The following KHDRBS3 variants were observed in gnomAD, a reference collection of about 807,000 sequenced individuals.
KHDRBS3 encodes the protein KH RNA binding domain containing, signal transduction associated 3, also known as KH domain-containing, RNA-binding, signal transduction-associated protein 3.
KHDRBS3 carries 23 observed loss-of-function variants against 45.6 expected under a neutral mutation model. That is an observed-to-expected ratio of 0.50 (90% confidence interval 0.36 to 0.72). The LOEUF (loss-of-function observed/expected upper bound fraction) is 0.72, where lower values mean the gene tolerates loss of function less well. Ranked by LOEUF, KHDRBS3 falls within the 30% of genes least tolerant of loss-of-function variation. KHDRBS3 has a pLI of 0.00. For synonymous variants in KHDRBS3, 162 were observed against 156.5 expected (o/e 1.04, Z -0.26); for missense variants, 352 against 424.8 (o/e 0.83, Z 1.51).
At chr8:135,492,301 TTA>T (rs1159081910) in intron 1 of KHDRBS3, among the ~76,000 whole-genome samples, 3 of 152,148 alleles carry the variant, frequency 2.0e-5, no homozygotes, top group African/African-American at 4.8e-5. Context: ...TTTGTGTATC[TTA>T]AAATGCATTT....
At chr8:135,606,751 C>T (rs1379465804) in intron 6 of KHDRBS3, among the ~76,000 whole-genome samples, 4 of 152,142 alleles carry the variant, frequency 2.6e-5, no homozygotes, top group Non-Finnish European at 1.5e-5. Flanking sequence ...GTGATTCTGA[C>T]CATTTTTACC....
chr8:135,481,796 T>C (rs1822591826), intron 1 of KHDRBS3, among the ~76,000 whole-genome samples: 1 of 152,200 alleles, frequency 6.6e-6, no homozygotes, highest in Admixed American at 6.5e-5. Flanking sequence ...TTCTAAATCA[T>C]ATTTTGTAGT....
At chr8:135,461,492 C>T (rs753422544) in intron 1 of KHDRBS3, among the ~76,000 whole-genome samples, 14 of 152,166 alleles carry the variant, frequency 9.2e-5, no homozygotes, top group Non-Finnish European at 1.5e-4. Context: ...GATCCCACTC[C>T]GGACCCCGCC....
downstream of KHDRBS3, among the ~76,000 whole-genome samples, chr8:135,652,207 T>C (rs1157399458): frequency 6.6e-6 from 1 of 152,200 alleles, no homozygotes; most frequent in Non-Finnish European, 1.5e-5. Context: ...CTATTTCTGA[T>C]TGGGAAAGGC....
intron 1 of KHDRBS3, among the ~76,000 whole-genome samples, chr8:135,492,516 C>CATATATATATATATATACATATAT (rs1554616504): frequency 6.9e-6 from 1 of 145,856 alleles, no homozygotes; most frequent in African/African-American, 2.5e-5. Context: ...TATATATATA[C>CATATATATATATATATACATATAT]ATATATATAT....
intron 4 of KHDRBS3, among the ~76,000 whole-genome samples, chr8:135,552,792 G>C (rs1195069074): frequency 6.6e-6 from 1 of 152,010 alleles, no homozygotes; most frequent in East Asian, 1.9e-4. Flanking sequence ...TGGCCTGCTA[G>C]GGATGTTGTC....
chr8:135,547,504 T>G (rs1563759312), intron 3 of KHDRBS3, among the ~76,000 whole-genome samples: 1 of 152,218 alleles, frequency 6.6e-6, no homozygotes, highest in Admixed American at 6.5e-5. Context: ...GTGACTGGCA[T>G]AGCTGAGATG....
chr8:135,524,023 A>G (rs574677134), intron 2 of KHDRBS3, among the ~76,000 whole-genome samples: 2 of 149,358 alleles, frequency 1.3e-5, no homozygotes, highest in South Asian at 2.1e-4. Context: ...GACTTATACT[A>G]TTTTTTTTTT....
At position 135,572,253 on chromosome 8, in the gene KHDRBS3, AT is replaced by A. The variant is rs565222657; in HGVS notation, c.612-9624del. On this transcript the variant is annotated intron_variant, in intron 5 of 8. Coordinates refer to ENST00000355849, the MANE Select transcript of KHDRBS3 (RefSeq NM_006558.3). ...GTGGGTGATACAGGCTTCAAAATAAATAAGGAGCTCTCTGTTATCAGAGACT... is the reference window on the plus strand; with the variant it reads ...GTGGGTGATACAGGCTTCAAAATAAAAAGGAGCTCTCTGTTATCAGAGACT... 5.4e-4 allele frequency among the ~76,000 whole-genome samples: 83 copies of A among 152,328 alleles called. No homozygotes were observed. The Middle Eastern group carries it at 0.01, about 19-fold the overall frequency.
chr8:135,616,728 C>A (rs188692787), intron 7 of KHDRBS3, among the ~76,000 whole-genome samples: 3 of 152,098 alleles, frequency 2.0e-5, no homozygotes, highest in African/African-American at 7.2e-5. Flanking sequence ...TTCTAAAAAG[C>A]GCTTGTGTTG....
downstream of KHDRBS3, among the ~76,000 whole-genome samples, chr8:135,652,553 C>T (rs1044623908): frequency 2.0e-5 from 3 of 152,196 alleles, no homozygotes; most frequent in Admixed American, 6.5e-5. Context: ...TCTATCAGTG[C>T]CATTCTCTGC....
chr8:135,556,441 A>G (rs1322480792), intron 4 of KHDRBS3, among the ~76,000 whole-genome samples: 1 of 151,754 alleles, frequency 6.6e-6, no homozygotes, highest in Non-Finnish European at 1.5e-5. Flanking sequence ...CTGGTGTGAG[A>G]TGGTATCTCA....
chr8:135,625,137 C>T, intron 7 of KHDRBS3: 1 of 1,076,568 alleles, frequency 9.3e-7, no homozygotes, highest in South Asian at 1.4e-5. Flanking sequence ...CAGTTAAGCA[C>T]ATGATTTGGA....
chr8:135,524,555 T>C (rs1322860714), intron 2 of KHDRBS3, among the ~76,000 whole-genome samples: 1 of 152,212 alleles, frequency 6.6e-6, no homozygotes, highest in African/African-American at 2.4e-5. Flanking sequence ...AAATTTGTTT[T>C]TAAAAGGATT....
intron 7 of KHDRBS3, among the ~76,000 whole-genome samples, chr8:135,644,412 C>T (rs140643321): frequency 1.2e-4 from 18 of 152,290 alleles, no homozygotes; most frequent in African/African-American, 4.3e-4. Flanking sequence ...TCTCCTGTCC[C>T]ATGTGGCCAT....
intron 7 of KHDRBS3, chr8:135,625,062 A>G (rs1272804687): frequency 7.3e-6 from 4 of 548,396 alleles, no homozygotes; most frequent in Non-Finnish European, 1.3e-5. Context: ...CTTTAACAAG[A>G]GGCACTTTTT....
intron 5 of KHDRBS3, among the ~76,000 whole-genome samples, chr8:135,567,866 T>A (rs1009844749): frequency 6.6e-6 from 1 of 152,238 alleles, no homozygotes; most frequent in African/African-American, 2.4e-5. Context: ...CCTGCTGGAA[T>A]TAAAAAATTT....
At chr8:135,554,899 G>A (rs1029626384) in intron 4 of KHDRBS3, among the ~76,000 whole-genome samples, 18 of 152,074 alleles carry the variant, frequency 1.2e-4, no homozygotes, top group Non-Finnish European at 1.9e-4. Flanking sequence ...ATTTACACTC[G>A]AATATGCTCA....
intron 7 of KHDRBS3, among the ~76,000 whole-genome samples, chr8:135,627,577 T>C (rs1355332059): frequency 2.6e-5 from 4 of 152,222 alleles, no homozygotes; most frequent in African/African-American, 9.6e-5. Context: ...AACATACAAA[T>C]TAGGGATTTT....
Sources: gnomAD v4.1 joint callset for allele counts (sites outside exome capture counted in the v4.1 genomes callset) on GRCh38, gnomAD v4.1.1 for gene constraint, MANE v1.5 for transcripts, NCBI Gene and HGNC (gene_info 2026-07-23, HGNC 2026-07-21) for gene names.